Variants in SORBS2 observed in about 807,000 individuals in gnomAD.
The protein encoded by SORBS2 is sorbin and SH3 domain-containing protein 2.
Under a neutral mutation model 97.7 loss-of-function variants are expected in SORBS2, and 46 were observed. That is an observed-to-expected ratio of 0.47 (90% CI 0.37 to 0.60). The LOEUF (loss-of-function observed/expected upper bound fraction) is 0.60. Ranked by LOEUF, SORBS2 falls within the 20% of genes least tolerant of loss-of-function variation. The pLI is 0.00. For missense variants in SORBS2, 1,316 were observed against 1,282.3 expected, an observed-to-expected ratio of 1.03 and a Z score of -0.40; for synonymous variants, 476 against 473.4, an observed-to-expected ratio of 1.01 and a Z score of -0.07.
intron 12 of SORBS2, among the ~76,000 whole-genome samples, chr4:185,598,329 A>G (rs1027193466): frequency 1.1e-4 from 17 of 152,130 alleles, no homozygotes. Flanking sequence ...TTCTGTAGCT[A>G]TTTTTTAATG....
At chr4:185,725,782 C>T (rs2098551001) in intron 2 of SORBS2, among the ~76,000 whole-genome samples, 1 of 152,114 alleles carries the variant, frequency 6.6e-6, no homozygotes, top group Non-Finnish European at 1.5e-5. Context: ...TAATATTGAT[C>T]TCTCTCCTTT....
At chr4:185,882,755 C>T (rs1056584516) in intron 1 of SORBS2, among the ~76,000 whole-genome samples, 1 of 152,048 alleles carries the variant, frequency 6.6e-6, no homozygotes, top group Non-Finnish European at 1.5e-5. Context: ...GCCAAAAGAA[C>T]AGGATAGAGA....
chr4:185,770,340 C>T (rs1351085999), intron 2 of SORBS2, among the ~76,000 whole-genome samples: 2 of 152,188 alleles, frequency 1.3e-5, no homozygotes, highest in Non-Finnish European at 1.5e-5. Context: ...CACTCTAGTC[C>T]TTCAATTAGC....
chr4:185,840,176 CA>C (rs1013345390), intron 1 of SORBS2, among the ~76,000 whole-genome samples: 1 of 152,118 alleles, frequency 6.6e-6, no homozygotes, highest in Non-Finnish European at 1.5e-5. Context: ...TGTGGATGAA[CA>C]GGGGTTGTTC....
At chr4:185,873,621 C>T (rs184455274) in intron 1 of SORBS2, among the ~76,000 whole-genome samples, 25 of 152,178 alleles carry the variant, frequency 1.6e-4, no homozygotes, top group African/African-American at 3.4e-4. Flanking sequence ...CATGTAACAG[C>T]GATTACAATC....
chr4:185,741,297 T>G lies in SORBS2; in HGVS notation c.-198+33930A>C, dbSNP rs1453366715. 2.0e-5 allele frequency among the ~76,000 whole-genome samples: 3 copies of G among 151,106 alleles called. 1 individual carries two copies. In the East Asian group the frequency reaches 5.9e-4, roughly 30 times the overall value. On this transcript the variant is annotated intron_variant, in intron 2 of 20. Coordinates refer to the SORBS2 transcript ENST00000284776. ...AGAGAGAATAACAGAGGGACATGCA[T>G]GAAAAGTACTTTTTTCTTCTTCAGT...
intron 1 of SORBS2, among the ~76,000 whole-genome samples, chr4:185,885,689 C>A (rs1273844128): frequency 2.0e-5 from 3 of 152,188 alleles, no homozygotes; most frequent in Non-Finnish European, 4.4e-5. Flanking sequence ...TATAACAATG[C>A]ATAAATGAAC....
chr4:185,910,553 T>G (rs79296829), intron 1 of SORBS2, among the ~76,000 whole-genome samples: 9,845 of 152,168 alleles, frequency 0.065, 991 homozygotes, highest in African/African-American at 0.21. Context: ...ATTTATGTGT[T>G]TGTTTGTTTT....
intron 2 of SORBS2, among the ~76,000 whole-genome samples, chr4:185,737,133 C>A (rs1438531007): frequency 2.0e-5 from 3 of 152,176 alleles, no homozygotes; most frequent in African/African-American, 7.2e-5. Context: ...CCCTTTTCAG[C>A]AATTATTTAA....
intron 1 of SORBS2, among the ~76,000 whole-genome samples, chr4:185,864,228 A>G (rs759450496): frequency 1.3e-5 from 2 of 152,194 alleles, no homozygotes; most frequent in African/African-American, 2.4e-5. Flanking sequence ...CTCAAGAAAA[A>G]CACTCATGCC....
chr4:185,808,227 C>T (rs929273123), intron 1 of SORBS2, among the ~76,000 whole-genome samples: 39 of 152,066 alleles, frequency 2.6e-4, no homozygotes, highest in African/African-American at 7.7e-4. Context: ...GGAATGAATG[C>T]AATAATGTCA....
At chr4:185,810,477 C>T (rs2099175448) in intron 1 of SORBS2, among the ~76,000 whole-genome samples, 1 of 152,220 alleles carries the variant, frequency 6.6e-6, no homozygotes, top group Admixed American at 6.5e-5. Flanking sequence ...TTAAATTTCA[C>T]AGTAGATTCC....
intron 1 of SORBS2, among the ~76,000 whole-genome samples, chr4:185,787,774 A>T (rs1233774792): frequency 6.6e-6 from 1 of 152,076 alleles, no homozygotes; most frequent in African/African-American, 2.4e-5. Flanking sequence ...CCTACCGCCC[A>T]TTTCTCTACA....
intron 2 of SORBS2, among the ~76,000 whole-genome samples, chr4:185,755,489 TG>T (rs1173083854): frequency 6.6e-6 from 1 of 152,200 alleles, no homozygotes; most frequent in Admixed American, 6.5e-5. Context: ...ATGTTTGGCA[TG>T]GAAGACAGTT....
chr4:185,946,748 T>C (rs35447862), intron 1 of SORBS2, among the ~76,000 whole-genome samples: 1,700 of 152,348 alleles, frequency 0.011, 13 homozygotes, highest in Non-Finnish European at 0.017. Context: ...AAATAAGACA[T>C]ATTTTACAGC....
At chr4:185,752,317 C>G (rs1215082339) in intron 2 of SORBS2, among the ~76,000 whole-genome samples, 1 of 151,972 alleles carries the variant, frequency 6.6e-6, no homozygotes, top group African/African-American at 2.4e-5. Context: ...GCTCTGTCGC[C>G]CAGGCTGGAG....
chr4:185,846,167 A>G (rs187282177), intron 1 of SORBS2, among the ~76,000 whole-genome samples: 1 of 152,336 alleles, frequency 6.6e-6, no homozygotes, highest in East Asian at 1.9e-4. Context: ...TCACCTGGAG[A>G]GTGGATACAG....
chr4:185,791,729 T>C (rs753327758), intron 1 of SORBS2, among the ~76,000 whole-genome samples: 90 of 151,956 alleles, frequency 5.9e-4, no homozygotes, highest in Non-Finnish European at 1.2e-3. Context: ...AGATTGTTTT[T>C]CCCCCACAAG....
At chr4:185,893,734 G>T (rs1419347606) in intron 1 of SORBS2, among the ~76,000 whole-genome samples, 1 of 152,170 alleles carries the variant, frequency 6.6e-6, no homozygotes, top group Non-Finnish European at 1.5e-5. Context: ...GGGGCTAGGG[G>T]TTCCCCGGGG....
Sources: allele counts gnomAD v4.1 joint callset (sites outside exome capture counted in the v4.1 genomes callset), GRCh38; gene constraint gnomAD v4.1.1; transcripts MANE v1.5; gene names NCBI Gene and HGNC (gene_info 2026-07-23, HGNC 2026-07-21).